SAMD3: variants seen among roughly 807,000 people sequenced by gnomAD.
SAMD3 encodes sterile alpha motif domain containing 3, also known as sterile alpha motif domain-containing protein 3.
A neutral mutation model predicts 58.5 loss-of-function variants in SAMD3; 63 were observed. That is an observed-to-expected ratio of 1.08 (90% CI 0.88 to 1.33). The LOEUF is 1.33. Among genes scored for constraint, SAMD3 ranks in the 40% most tolerant of loss-of-function variants. SAMD3 has a pLI of 0.00. For missense variants in SAMD3, 604 were observed against 608.4 expected (o/e 0.99, Z 0.08); for synonymous variants, 220 against 210.3 (o/e 1.05, Z -0.40).
chr6:130,299,547 A>G (rs1408494232), intron 2 of SAMD3, among the ~76,000 whole-genome samples: 2 of 152,180 alleles, frequency 1.3e-5, no homozygotes, highest in Non-Finnish European at 2.9e-5. Context: ...TTGCACCTAA[A>G]GGAACTAGAT....
At chr6:130,345,288 C>G (rs990688757) in intron 1 of SAMD3, among the ~76,000 whole-genome samples, 2 of 151,994 alleles carry the variant, frequency 1.3e-5, no homozygotes, top group Non-Finnish European at 2.9e-5. Context: ...AAAAAGAAGC[C>G]TAGGAATGAA....
intron 8 of SAMD3, among the ~76,000 whole-genome samples, chr6:130,166,138 C>T (rs1469402884): frequency 2.0e-5 from 3 of 152,158 alleles, no homozygotes; most frequent in Non-Finnish European, 1.5e-5. Context: ...TTCATGGCAC[C>T]ACAGCCCAGG....
intron 2 of SAMD3, among the ~76,000 whole-genome samples, chr6:130,261,132 C>CG (rs1402449720): frequency 6.9e-6 from 1 of 144,994 alleles, no homozygotes; most frequent in Non-Finnish European, 1.5e-5. Context: ...TTGACAGGAC[C>CG]GGTGTTGGGA....
At chr6:130,258,538 A>G (rs1774003323) in intron 2 of SAMD3, among the ~76,000 whole-genome samples, 1 of 152,216 alleles carries the variant, frequency 6.6e-6, no homozygotes, top group South Asian at 2.1e-4. Flanking sequence ...AAAGTGCACA[A>G]TTTGATAAGT....
chr6:130,320,319 C>T (rs1190644414), intron 1 of SAMD3, among the ~76,000 whole-genome samples: 1 of 152,164 alleles, frequency 6.6e-6, no homozygotes, highest in South Asian at 2.1e-4. Flanking sequence ...TAGCACTAAT[C>T]ATTGAGGAAA....
intron 9 of SAMD3, among the ~76,000 whole-genome samples, chr6:130,152,752 T>C (rs1356440504): frequency 6.6e-6 from 1 of 152,110 alleles, no homozygotes; most frequent in Non-Finnish European, 1.5e-5. Context: ...ACAAAAACCA[T>C]ACTCCATATT....
intron 8 of SAMD3, among the ~76,000 whole-genome samples, chr6:130,163,213 A>G (rs1221106973): frequency 1.3e-5 from 2 of 152,230 alleles, no homozygotes; most frequent in Non-Finnish European, 2.9e-5. Context: ...TTGAAATAAT[A>G]TTTTGCATAT....
chr6:130,243,301 TCTC>T (rs1773427603), intron 2 of SAMD3, among the ~76,000 whole-genome samples: 1 of 152,164 alleles, frequency 6.6e-6, no homozygotes, highest in African/African-American at 2.4e-5. Flanking sequence ...CCCTTCCTCT[TCTC>T]TGATCCCACC....
At chr6:130,167,774 C>G (rs1316579442) in intron 8 of SAMD3, among the ~76,000 whole-genome samples, 1 of 152,190 alleles carries the variant, frequency 6.6e-6, no homozygotes, top group Admixed American at 6.5e-5. Context: ...ACCATACATG[C>G]AGCCACATGA....
chr6:130,270,438 G>T (rs1253864230), intron 2 of SAMD3, among the ~76,000 whole-genome samples: 2 of 152,182 alleles, frequency 1.3e-5, no homozygotes, highest in African/African-American at 4.8e-5. Flanking sequence ...AAACATGTAG[G>T]TTAGCTCCAT....
At chr6:130,206,297 C>A (rs533244283) in intron 5 of SAMD3, among the ~76,000 whole-genome samples, 19 of 152,258 alleles carry the variant, frequency 1.2e-4, no homozygotes, top group African/African-American at 4.3e-4. Flanking sequence ...TAGGGCAAGG[C>A]AGTCGTATGC....
intron 3 of SAMD3, among the ~76,000 whole-genome samples, chr6:130,214,962 G>A (rs118094782): frequency 0.026 from 3,897 of 152,212 alleles, 71 homozygotes; most frequent in Middle Eastern, 0.041. Flanking sequence ...TAAGTGACCC[G>A]TAAGACTTTT....
intron 2 of SAMD3, among the ~76,000 whole-genome samples, chr6:130,304,617 C>T (rs1412795482): frequency 6.6e-6 from 1 of 152,114 alleles, no homozygotes; most frequent in Non-Finnish European, 1.5e-5. Flanking sequence ...TCTCCACTTA[C>T]TCTTTTGCTT....
intron 9 of SAMD3, 33 bp downstream of exon 9, chr6:130,154,792 A>G (rs777795359): frequency 2.5e-6 from 3 of 1,182,286 alleles, no homozygotes; most frequent in Admixed American, 1.8e-5. Flanking sequence ...ATACATATAT[A>G]TGTGTGTGTA....
rs11154570 is a variant in SAMD3, at chr6:130,333,163, T to C, written c.-303-20070A>G. ...TGGCAGAGTAGAAAAGCAAATCTTC[T>C]GGGGATATGTATTAGGATTATGACC... On this transcript the variant is annotated intron_variant, in intron 1 of 13. Transcript: ENST00000368134. 3.9e-5 allele frequency among the ~76,000 whole-genome samples: 6 copies of C among 152,114 alleles called. No individual in the cohort carries two copies. In the East Asian group the frequency reaches 1.2e-3, roughly 29 times the overall value.
chr6:130,346,829 C>G (rs960483286), intron 1 of SAMD3, among the ~76,000 whole-genome samples: 4 of 152,166 alleles, frequency 2.6e-5, no homozygotes, highest in Non-Finnish European at 4.4e-5. Context: ...AGGCACCCCC[C>G]CAGTAGGGGT....
At chr6:130,364,091 T>C (rs781102457) in intron 1 of SAMD3, among the ~76,000 whole-genome samples, 2 of 152,232 alleles carry the variant, frequency 1.3e-5, no homozygotes, top group Non-Finnish European at 2.9e-5. Context: ...TTTACCCGCC[T>C]CTTCTGAGAC....
intron 8 of SAMD3, among the ~76,000 whole-genome samples, chr6:130,162,531 G>T (rs535320539): frequency 1.3e-5 from 2 of 151,970 alleles, no homozygotes; most frequent in Admixed American, 1.3e-4. Context: ...TTAAGAAAAC[G>T]GTATCTTGCC....
intron 5 of SAMD3, among the ~76,000 whole-genome samples, chr6:130,200,754 CCT>C (rs1434209592): frequency 2.0e-5 from 3 of 151,932 alleles, no homozygotes; most frequent in Non-Finnish European, 4.4e-5. Flanking sequence ...ATGAGGAGGG[CCT>C]CTCTTCATTT....
Sources: gnomAD v4.1 joint callset for allele counts (sites outside exome capture counted in the v4.1 genomes callset) on GRCh38, gnomAD v4.1.1 for gene constraint, MANE v1.5 for transcripts, NCBI Gene and HGNC (gene_info 2026-07-23, HGNC 2026-07-21) for gene names.